RNF150: variants seen among roughly 807,000 people sequenced by gnomAD.
RNF150 encodes ring finger protein 150.
A neutral mutation model predicts 39.3 loss-of-function variants in RNF150; 24 were observed. That is an observed-to-expected ratio of 0.61 (90% confidence interval 0.44 to 0.86). RNF150 has a LOEUF of 0.86. RNF150 is among the 40% of genes least tolerant of loss of function. RNF150 has a pLI of 0.00. For missense variants in RNF150, 502 were observed against 587.8 expected, an observed-to-expected ratio of 0.85 and a Z score of 1.51; for synonymous variants, 255 against 227.3, an observed-to-expected ratio of 1.12 and a Z score of -1.10.
chr4:141,002,500 T>G (rs1734702026), intron 1 of RNF150, among the ~76,000 whole-genome samples: 1 of 152,236 alleles, frequency 6.6e-6, no homozygotes, highest in South Asian at 2.1e-4. Flanking sequence ...ACACTCACTA[T>G]TTCTGTCTTA....
intron 1 of RNF150, among the ~76,000 whole-genome samples, chr4:141,197,468 A>G (rs944367437): frequency 8.5e-5 from 13 of 152,152 alleles, no homozygotes; most frequent in Admixed American, 2.6e-4. Context: ...TTTAAGATAA[A>G]CCATTTTCAG....
At position 141,000,007 on chromosome 4, in the gene RNF150, A is replaced by G. The variant is rs1335398654; in HGVS notation, c.485-32134T>C. 5.1e-3 allele frequency among the ~76,000 whole-genome samples: 181 copies of G among 35,318 alleles called. 10 individuals carry two copies. The highest frequency in any genetic ancestry group is 0.013 in the Middle Eastern group (1 of 80). 23.2% of individuals were successfully genotyped at this position (35,318 alleles called of 152,430 possible). ...AGAAAAGAAGAAAAGAAGAAGAAGA[A>G]GAAGAAGAAGAAGAAGAAGAAGAAG... On this transcript the variant is annotated intron_variant, in intron 1 of 6. Coordinates refer to ENST00000515673, the MANE Select transcript of RNF150 (RefSeq NM_020724.2).
intron 1 of RNF150, among the ~76,000 whole-genome samples, chr4:141,048,725 C>T (rs916005799): frequency 1.3e-5 from 2 of 151,936 alleles, no homozygotes; most frequent in African/African-American, 4.8e-5. Context: ...AGAGTGAGAC[C>T]CTGTCTCTAA....
chr4:140,906,248 A>G (rs941703025), intron 6 of RNF150, among the ~76,000 whole-genome samples: 7 of 152,078 alleles, frequency 4.6e-5, no homozygotes, highest in Non-Finnish European at 1.0e-4. Flanking sequence ...TGCATTTAGA[A>G]TGGTCCCCCA....
intron 1 of RNF150, among the ~76,000 whole-genome samples, chr4:140,976,565 T>C (rs890514839): frequency 6.6e-6 from 1 of 152,014 alleles, no homozygotes; most frequent in Admixed American, 6.6e-5. Flanking sequence ...ACCTCTGGAA[T>C]GCTGACTTCA....
chr4:140,984,299 T>A (rs1733953056), intron 1 of RNF150, among the ~76,000 whole-genome samples: 1 of 152,082 alleles, frequency 6.6e-6, no homozygotes, highest in Non-Finnish European at 1.5e-5. Context: ...ACACTACATA[T>A]CCTTTGGCTT....
At chr4:141,049,150 G>T (rs780601853) in intron 1 of RNF150, among the ~76,000 whole-genome samples, 10 of 152,008 alleles carry the variant, frequency 6.6e-5, no homozygotes, top group Non-Finnish European at 1.0e-4. Context: ...GTATTTCAAA[G>T]GTTTATATTT....
intron 1 of RNF150, among the ~76,000 whole-genome samples, chr4:141,172,336 GC>G (rs1727743826): frequency 6.6e-6 from 1 of 152,136 alleles, no homozygotes. Flanking sequence ...CATGTCATTA[GC>G]CAAAGGAAGG....
intron 1 of RNF150, among the ~76,000 whole-genome samples, chr4:140,973,922 G>C (rs987213407): frequency 1.3e-5 from 2 of 150,372 alleles, no homozygotes; most frequent in Non-Finnish European, 3.0e-5. Context: ...AGTACACGGA[G>C]GTCCTATGAA....
rs145279545 is a variant in RNF150 at position 141,023,075 on chromosome 4, T to C, written c.485-55202A>G. ...AAGTTTAGAAATAATGAGAGAAAAT[T>C]TGAGTGTACTAAGTGCCTTCCTTTA... On this transcript the variant is annotated intron_variant, in intron 1 of 6. Coordinates refer to ENST00000515673, the MANE Select transcript of RNF150 (RefSeq NM_020724.2). Among the ~76,000 whole-genome samples, 683 of 152,300 alleles carry C rather than the reference T, an allele frequency of 4.5e-3. 6 individuals are homozygous for C. Among genetic ancestry groups the C allele is most frequent in the African/African-American group, 0.016 (662 of 41,554 alleles).
chr4:140,868,719 T>C (rs1279346534), intron 6 of RNF150, among the ~76,000 whole-genome samples: 1 of 152,154 alleles, frequency 6.6e-6, no homozygotes, highest in African/African-American at 2.4e-5. Context: ...ATTTAAAATG[T>C]TACACACATG....
At chr4:141,127,222 C>G (rs961144817) in intron 1 of RNF150, among the ~76,000 whole-genome samples, 1 of 152,108 alleles carries the variant, frequency 6.6e-6, no homozygotes, top group Admixed American at 6.5e-5. Context: ...CAAACGGAGA[C>G]AGTAAGGGTA....
At chr4:140,880,669 G>T (rs4956490) in intron 6 of RNF150, among the ~76,000 whole-genome samples, 142,041 of 151,246 alleles carry the variant, frequency 0.94, 67,154 homozygotes, top group East Asian at 0.99. Context: ...TTGTTTGTTT[G>T]TTTTAAACAA....
chr4:141,001,601 A>G (rs1355362023), intron 1 of RNF150, among the ~76,000 whole-genome samples: 3 of 152,242 alleles, frequency 2.0e-5, no homozygotes, highest in African/African-American at 7.2e-5. Context: ...GTTTAAAACC[A>G]TATCCAAAAC....
At chr4:140,879,423 CAGTGTA>C (rs1490052528) in intron 6 of RNF150, among the ~76,000 whole-genome samples, 1 of 152,142 alleles carries the variant, frequency 6.6e-6, no homozygotes, top group Non-Finnish European at 1.5e-5. Flanking sequence ...TTTAAGTTTT[CAGTGTA>C]CAAGTCTTTC....
chr4:141,170,838 A>C (rs959321511), intron 1 of RNF150, among the ~76,000 whole-genome samples: 2 of 152,226 alleles, frequency 1.3e-5, no homozygotes, highest in African/African-American at 4.8e-5. Flanking sequence ...TGATTGTTAT[A>C]AGTGTGGTGT....
intron 1 of RNF150, among the ~76,000 whole-genome samples, chr4:141,057,092 G>A (rs946034184): frequency 6.6e-6 from 1 of 152,004 alleles, no homozygotes; most frequent in Non-Finnish European, 1.5e-5. Flanking sequence ...GTAACTATCT[G>A]ATAAGAACTT....
rs907984651 is a variant in RNF150 at position 141,006,043 on chromosome 4, T to C, written c.485-38170A>G. Among the ~76,000 whole-genome samples, 5 of 122,772 alleles carry C rather than the reference T, an allele frequency of 4.1e-5. No homozygotes were observed. The South Asian group carries it at 1.3e-3, about 31-fold the overall frequency. The allele number at this position is 122,772 out of a possible 152,430, so 80.5% of individuals were successfully genotyped here. A position where few individuals can be genotyped will look rare whatever the true frequency, so the allele number is the denominator to read the frequency against. The stretch of plus-strand genomic sequence containing the variant: ...GAGATCCCGCCACTGCACTCCAGCC[T>C]GGGCGACAGAGCGAGACTCCGTCTC... On this transcript the variant is annotated intron_variant, in intron 1 of 6. Transcript: ENST00000515673.
intron 1 of RNF150, among the ~76,000 whole-genome samples, chr4:141,151,356 A>G (rs1433047348): frequency 6.6e-6 from 1 of 151,544 alleles, no homozygotes; most frequent in Non-Finnish European, 1.5e-5. Context: ...GGGACTCAAG[A>G]GGTCAGGAGT....
Sources: gnomAD v4.1 joint callset for allele counts (sites outside exome capture counted in the v4.1 genomes callset) on GRCh38, gnomAD v4.1.1 for gene constraint, MANE v1.5 for transcripts, NCBI Gene and HGNC (gene_info 2026-07-23, HGNC 2026-07-21) for gene names.